The following PCDHA5 variants were observed in gnomAD, a reference collection of about 807,000 sequenced individuals.
PCDHA5 encodes protocadherin alpha 5, also known as protocadherin alpha-5.
A neutral mutation model predicts 61.6 loss-of-function variants in PCDHA5; 43 were observed. That is an observed-to-expected ratio of 0.70 (90% CI 0.55 to 0.90). PCDHA5 has a LOEUF of 0.90. Among genes scored for constraint, PCDHA5 ranks in the 40% least tolerant of loss-of-function variants. The probability of loss-of-function intolerance (pLI) is 0.00; values close to 1 mark genes in which losing one functional copy is unlikely to be tolerated. For synonymous variants in PCDHA5, 627 were observed against 543.9 expected, an observed-to-expected ratio of 1.15 and a Z score of -2.13; for missense variants, 1,298 against 1,222.7, an observed-to-expected ratio of 1.06 and a Z score of -0.92.
At chr5:141,000,395 CTA>C (rs1190667031) in intron 3 of PCDHA5, among the ~76,000 whole-genome samples, 91 of 53,954 alleles carry the variant, frequency 1.7e-3, no homozygotes, top group Admixed American at 3.8e-3. Flanking sequence ...CTCTCTCTCT[CTA>C]TATATATATA....
chr5:140,882,658 G>A (rs2059245402), intron 1 of PCDHA5: 3 of 1,614,148 alleles, frequency 1.9e-6, no homozygotes, highest in Middle Eastern at 1.7e-4. Context: ...ACGACAACCC[G>A]CCCATATTCC....
chr5:140,960,588 T>A (rs2095557494), intron 1 of PCDHA5, among the ~76,000 whole-genome samples: 1 of 152,166 alleles, frequency 6.6e-6, no homozygotes, highest in African/African-American at 2.4e-5. Flanking sequence ...ACAGTTCAAA[T>A]TCAAGGTACT....
chr5:140,938,957 C>T (rs1435245997), intron 1 of PCDHA5, among the ~76,000 whole-genome samples: 2 of 152,040 alleles, frequency 1.3e-5, no homozygotes, highest in African/African-American at 2.4e-5. Context: ...ATGCTCTAGT[C>T]GGAGTTTGGC....
Position 140,852,587 on chromosome 5 carries a change from T to TTA in PCDHA5, c.2352+28461_2352+28462insAT, listed in dbSNP as rs201827177. On this transcript the variant is annotated intron_variant, in intron 1 of 3. Coordinates refer to ENST00000529859, the MANE Select transcript of PCDHA5 (RefSeq NM_018908.3). ...CACTGTGCCAAGGCTTTTTTATTTTTTTTTTTTGTCATTTTCTTTCAAAAC... is the reference window on the plus strand; with the variant it reads ...CACTGTGCCAAGGCTTTTTTATTTTTTATTTTTTTGTCATTTTCTTTCAAAAC... The TTA allele has an allele frequency of 1.9e-3, 1,677 of 881,866 alleles. 105 individuals carry two copies. The African/African-American group carries it at 0.023, about 12-fold the overall frequency. 54.6% of individuals were successfully genotyped at this position (881,866 alleles called of 1,614,324 possible). A position where few individuals can be genotyped will look rare whatever the true frequency, so the allele number is the denominator to read the frequency against.
chr5:140,848,247 T>C (rs1581144938), intron 1 of PCDHA5: 2 of 456,006 alleles, frequency 4.4e-6, no homozygotes, highest in East Asian at 3.3e-5. Flanking sequence ...TTTTGCAGAA[T>C]AACTGTGAAA....
chr5:140,868,759 T>G, intron 1 of PCDHA5: 1 of 230,962 alleles, frequency 4.3e-6, no homozygotes, highest in Non-Finnish European at 8.5e-6. Context: ...TCCATATATA[T>G]TTAGTTTCAA....
intron 1 of PCDHA5, chr5:140,871,382 A>G (rs781900960): frequency 1.2e-6 from 2 of 1,614,188 alleles, no homozygotes; most frequent in South Asian, 2.2e-5. Flanking sequence ...GTGTGCTCTG[A>G]GGAGGGCCCA....
intron 1 of PCDHA5, chr5:140,848,835 C>T: frequency 6.3e-7 from 1 of 1,590,448 alleles, no homozygotes; most frequent in African/African-American, 1.4e-5. Context: ...AGACAGGCCG[C>T]TGCAGGTTTT....
rs1767410932 is a variant in PCDHA5 at position 140,822,724 on chromosome 5, A to G, written c.949A>G (p.Ile317Val). 6.2e-7 allele frequency: 1 copy of G among 1,612,750 alleles called. No homozygotes were observed. The highest frequency in any genetic ancestry group is 8.5e-7 in the Non-Finnish European group (1 of 1,178,724). ...TTATGAAGACTATAACTCATATGAA[A>G]TTAATATTGATGCCATGGATAAAAG... ...LDYEDYNSYE[I>V]NIDAMDKSTF... The change falls in exon 1 of 4, where the codon ATT becomes GTT. Residue 317 changes from isoleucine to valine, a missense_variant. Coordinates refer to ENST00000529859, the MANE Select transcript of PCDHA5 (RefSeq NM_018908.3).
Position 140,926,391 on chromosome 5 carries a change from A to T in PCDHA5, c.2353-52558A>T, listed in dbSNP as rs76822698. On this transcript the variant is annotated intron_variant, in intron 1 of 3. Coordinates refer to ENST00000529859, the MANE Select transcript of PCDHA5 (RefSeq NM_018908.3). ...AGGAAGAGCCCAGCTGGGCTCAGCCACAGTTATCAGCAATCTGCGGGCAGA... is the reference window on the plus strand; with the variant it reads ...AGGAAGAGCCCAGCTGGGCTCAGCCTCAGTTATCAGCAATCTGCGGGCAGA... 1,228 of 152,462 alleles carry T rather than the reference A, an allele frequency of 8.1e-3. 5 individuals carry two copies. The highest frequency in any genetic ancestry group is 0.019 in the African/African-American group (792 of 41,554). The allele number at this position is 152,462 out of a possible 1,614,324, so 9.4% of individuals were successfully genotyped here.
chr5:140,834,218 G>C, intron 1 of PCDHA5: 1 of 668,584 alleles, frequency 1.5e-6, no homozygotes, highest in Non-Finnish European at 2.5e-6. Flanking sequence ...TTCGTAATCA[G>C]CAAAAGGAAG....
chr5:140,876,378 T>A, intron 1 of PCDHA5: 1 of 1,613,948 alleles, frequency 6.2e-7, no homozygotes, highest in Non-Finnish European at 8.5e-7. Context: ...CAGGTGAAAT[T>A]AGAATTTATG....
intron 1 of PCDHA5, among the ~76,000 whole-genome samples, chr5:140,971,488 A>AG (rs1338536132): frequency 1.3e-5 from 2 of 152,222 alleles, no homozygotes; most frequent in African/African-American, 4.8e-5. Flanking sequence ...ACATTGTTAC[A>AG]GTGTGGCAAG....
chr5:140,891,440 G>T (rs1583052190), intron 1 of PCDHA5, among the ~76,000 whole-genome samples: 1 of 147,558 alleles, frequency 6.8e-6, no homozygotes, highest in Admixed American at 6.9e-5. Flanking sequence ...AACGTCCATT[G>T]TATAGGATTT....
intron 1 of PCDHA5, chr5:140,829,566 A>G (rs1554132093): frequency 1.9e-6 from 3 of 1,612,588 alleles, no homozygotes; most frequent in Non-Finnish European, 2.5e-6. Flanking sequence ...CTGGTGTCCT[A>G]CTCGCTGGTG....
chr5:140,988,526 G>C (rs1330767394), intron 3 of PCDHA5, among the ~76,000 whole-genome samples: 2 of 152,088 alleles, frequency 1.3e-5, no homozygotes, highest in Admixed American at 1.3e-4. Flanking sequence ...GTCTCTGCTG[G>C]CTCCATCCAT....
intron 1 of PCDHA5, chr5:140,842,887 G>A: frequency 6.3e-7 from 1 of 1,594,194 alleles, no homozygotes; most frequent in Non-Finnish European, 8.6e-7. Context: ...CGCTGCAGCC[G>A]CTGGACCACG....
chr5:140,958,890 A>G (rs1379321415), intron 1 of PCDHA5, among the ~76,000 whole-genome samples: 1 of 152,044 alleles, frequency 6.6e-6, no homozygotes, highest in African/African-American at 2.4e-5. Context: ...CAGTAGCTAT[A>G]TAATAGATAC....
intron 1 of PCDHA5, among the ~76,000 whole-genome samples, chr5:140,846,908 T>C (rs991688618): frequency 6.7e-6 from 1 of 149,590 alleles, no homozygotes; most frequent in Admixed American, 6.7e-5. Flanking sequence ...TGAAAGACAA[T>C]CATTTCCTAT....
Sources: allele counts gnomAD v4.1 joint callset (sites outside exome capture counted in the v4.1 genomes callset), GRCh38; gene constraint gnomAD v4.1.1; transcripts MANE v1.5; gene names NCBI Gene and HGNC (gene_info 2026-07-23, HGNC 2026-07-21).